C8orf90: variants seen among roughly 807,000 people sequenced by gnomAD.
C8orf90 encodes uncharacterized protein C8orf90.
the C8orf90 span, among the ~76,000 whole-genome samples, chr8:141,515,759 A>G: frequency 6.6e-6 from 1 of 151,510 alleles, no homozygotes; most frequent in Non-Finnish European, 1.5e-5. Context: ...GGCAGCTCCA[A>G]CTCCCTGCTA....
At chr8:141,515,506 T>A in the C8orf90 span, among the ~76,000 whole-genome samples, 4 of 150,596 alleles carry the variant, frequency 2.7e-5, no homozygotes, top group Admixed American at 1.3e-4. Flanking sequence ...CCTGTAAGGA[T>A]TTTGTCCTCT....
chr8:141,518,086 C>T, the C8orf90 span: 2 of 512,498 alleles, frequency 3.9e-6, no homozygotes, highest in African/African-American at 2.0e-5. Flanking sequence ...CTCTGCCTTT[C>T]GAGCTCATTC....
At chr8:141,518,669 G>T in the C8orf90 span, 32 of 543,218 alleles carry the variant, frequency 5.9e-5, no homozygotes, top group Non-Finnish European at 9.7e-5. Context: ...GCACCCCCAG[G>T]CTGGCCCAGG....
chr8:141,518,549 G>A, the C8orf90 span: 407 of 509,488 alleles, frequency 8.0e-4, 10 homozygotes, highest in South Asian at 0.01. Context: ...CGCCTGGAGC[G>A]GCTGGCCCTG....
chr8:141,517,509 G>A, the C8orf90 span, among the ~76,000 whole-genome samples: 2 of 152,198 alleles, frequency 1.3e-5, no homozygotes, highest in Non-Finnish European at 2.9e-5. Flanking sequence ...TGGGGACCAC[G>A]GATAGGCTGA....
chr8:141,516,199 C>T, the C8orf90 span, among the ~76,000 whole-genome samples: 1 of 152,192 alleles, frequency 6.6e-6, no homozygotes. Flanking sequence ...CGCTCTTTCC[C>T]AGGTCGTTCC....
At chr8:141,515,762 C>G in the C8orf90 span, among the ~76,000 whole-genome samples, 1 of 152,218 alleles carries the variant, frequency 6.6e-6, no homozygotes. Flanking sequence ...AGCTCCAACT[C>G]CCTGCTACCC....
the C8orf90 span, among the ~76,000 whole-genome samples, chr8:141,516,315 G>C: frequency 6.6e-6 from 1 of 152,186 alleles, no homozygotes; most frequent in African/African-American, 2.4e-5. Context: ...ACCTCAGGAA[G>C]GTCATTTGTC....
At chr8:141,517,595 T>C in the C8orf90 span, among the ~76,000 whole-genome samples, 1 of 152,160 alleles carries the variant, frequency 6.6e-6, no homozygotes. Context: ...TCCCTCTGGA[T>C]TCCAGGGTCA....
chr8:141,518,607 C>G, the C8orf90 span: 2 of 487,502 alleles, frequency 4.1e-6, no homozygotes, highest in Non-Finnish European at 7.2e-6. Flanking sequence ...CCTGCTGCTG[C>G]CCGGCCCCGC....
chr8:141,515,680 C>T, the C8orf90 span, among the ~76,000 whole-genome samples: 10 of 152,034 alleles, frequency 6.6e-5, no homozygotes, highest in East Asian at 2.0e-3. Flanking sequence ...CCTCCTCCAC[C>T]CCTCCTCACA....
the C8orf90 span, among the ~76,000 whole-genome samples, chr8:141,515,020 C>A: frequency 1.3e-5 from 2 of 151,940 alleles, no homozygotes; most frequent in Non-Finnish European, 2.9e-5. Context: ...AAGGGGTTGG[C>A]TCTCTTCCTG....
the C8orf90 span, chr8:141,518,100 G>A: frequency 7.9e-6 from 4 of 509,046 alleles, no homozygotes; most frequent in Non-Finnish European, 1.0e-5. Flanking sequence ...CTCATTCGGC[G>A]GCTCCTTCCA....
chr8:141,518,154 T>A, the C8orf90 span: 134 of 529,986 alleles, frequency 2.5e-4, 2 homozygotes, highest in South Asian at 3.1e-3. Context: ...GTCTCCCGCC[T>A]GCGCGGGCCG....
chr8:141,518,134 C>G, the C8orf90 span: 2 of 525,252 alleles, frequency 3.8e-6, no homozygotes, highest in Non-Finnish European at 6.7e-6. Flanking sequence ...TCTTCGCGCC[C>G]GGCCTCCTGG....
chr8:141,518,035 C>T, the C8orf90 span, among the ~76,000 whole-genome samples: 1 of 152,190 alleles, frequency 6.6e-6, no homozygotes, highest in Non-Finnish European at 1.5e-5. Context: ...AATGCAGGGC[C>T]CGGCCTCGCC....
the C8orf90 span, among the ~76,000 whole-genome samples, chr8:141,516,047 G>A: frequency 6.6e-6 from 1 of 152,102 alleles, no homozygotes; most frequent in Non-Finnish European, 1.5e-5. Context: ...GTGGCATTGG[G>A]CGCTGTCCAC....
At chr8:141,517,697 C>T in the C8orf90 span, among the ~76,000 whole-genome samples, 43 of 152,360 alleles carry the variant, frequency 2.8e-4, no homozygotes, top group Admixed American at 2.7e-3. Context: ...AGCCTCTCCC[C>T]AGGTGGCGTT....
At chr8:141,515,524 C>A in the C8orf90 span, among the ~76,000 whole-genome samples, 1 of 151,732 alleles carries the variant, frequency 6.6e-6, no homozygotes, top group Admixed American at 6.6e-5. Flanking sequence ...TCTCACCCAG[C>A]CACCCACCCG....
Sources: gnomAD v4.1 joint callset for allele counts (sites outside exome capture counted in the v4.1 genomes callset) on GRCh38, gnomAD v4.1.1 for gene constraint, MANE v1.5 for transcripts, NCBI Gene and HGNC (gene_info 2026-07-23, HGNC 2026-07-21) for gene names.